STK17A: variants seen among roughly 807,000 people sequenced by gnomAD.
STK17A encodes the protein serine/threonine-protein kinase 17A.
STK17A carries 26 observed loss-of-function variants against 43.7 expected under a neutral mutation model. The ratio of observed to expected loss-of-function variants is 0.60; its 90% CI spans 0.44 to 0.83. The LOEUF is 0.83. STK17A is among the 40% of genes least tolerant of loss of function. The probability of loss-of-function intolerance (pLI) is 0.00; values close to 1 mark genes in which losing one functional copy is unlikely to be tolerated. For missense variants in STK17A, 476 were observed against 511.6 expected, an observed-to-expected ratio of 0.93 and a Z score of 0.67; for synonymous variants, 191 against 182.5, an observed-to-expected ratio of 1.05 and a Z score of -0.38.
chr7:43,611,953 A>G (rs945589801), intron 3 of STK17A, among the ~76,000 whole-genome samples: 3 of 152,218 alleles, frequency 2.0e-5, no homozygotes, highest in African/African-American at 7.2e-5. Flanking sequence ...ACCATGTGTC[A>G]TGGATCTTTG....
intron 1 of STK17A, among the ~76,000 whole-genome samples, chr7:43,585,671 T>A (rs62461071): frequency 0.084 from 12,788 of 151,568 alleles, 1,060 homozygotes; most frequent in East Asian, 0.21. Context: ...CAGTGTGAGA[T>A]TGAATCTTGG....
At chr7:43,603,779 T>C (rs747876259) in intron 2 of STK17A, among the ~76,000 whole-genome samples, 1 of 152,232 alleles carries the variant, frequency 6.6e-6, no homozygotes, top group Non-Finnish European at 1.5e-5. Flanking sequence ...ACACCTTCAC[T>C]TTCTGATGGT....
In STK17A at chr7:43,623,718, A is replaced by T. The variant is rs1395796605; in HGVS notation, c.750A>T (p.Gly250=). The T allele has an allele frequency of 6.2e-7, 1 of 1,606,218 alleles. No individual in the cohort carries two copies. Among genetic ancestry groups the T allele is most frequent in the Non-Finnish European group, 8.5e-7 (1 of 1,177,244 alleles). The change falls in exon 6 of 7, where the codon GGA becomes GGT. Residue 250 remains glycine, a synonymous_variant. Transcript: ENST00000319357. ...ISMATDMWSI[G]VLTYVMLTGI... ...TTTCTTTCTAATTTAGGAGCATTGG[A>T]GTGTTAACATATGTCATGCTTACAG...
At chr7:43,612,709 T>G (rs1048688257) in intron 3 of STK17A, among the ~76,000 whole-genome samples, 2 of 152,122 alleles carry the variant, frequency 1.3e-5, no homozygotes, top group Non-Finnish European at 2.9e-5. Context: ...GGAAATACAC[T>G]GCTTAGCTTT....
At chr7:43,618,016 C>G (rs912888380) in intron 3 of STK17A, among the ~76,000 whole-genome samples, 5 of 152,112 alleles carry the variant, frequency 3.3e-5, no homozygotes, top group Admixed American at 2.6e-4. Flanking sequence ...AAGAATATCA[C>G]TGGATTTTGT....
Position 43,583,318 on chromosome 7 carries a change from G to A in STK17A, c.75G>A (p.Arg25=). 2.7e-6 allele frequency: 4 copies of A among 1,486,136 alleles called. No homozygotes were observed. Among genetic ancestry groups the A allele is most frequent in the Non-Finnish European group, 3.6e-6 (4 of 1,118,552 alleles). 92.1% of individuals were successfully genotyped at this position (1,486,136 alleles called of 1,614,324 possible). A position where few individuals can be genotyped will look rare whatever the true frequency, so the allele number is the denominator to read the frequency against. The part of the protein sequence containing the change: ...GATSGSGRAG[R]GLSGPCRPPP... The stretch of plus-strand genomic sequence containing the variant: ...CCTCAGGCTCGGGCCGGGCAGGCCG[G>A]GGTCTGAGCGGGCCGTGCCGGCCGC... Residue 25 remains arginine, a synonymous_variant, in exon 1 of 7, where the codon CGG becomes CGA. Transcript: ENST00000319357.
At chr7:43,590,317 A>G (rs2082472041) in intron 1 of STK17A, among the ~76,000 whole-genome samples, 1 of 150,954 alleles carries the variant, frequency 6.6e-6, no homozygotes, top group Non-Finnish European at 1.5e-5. Context: ...TGAAGCCCAA[A>G]CTCCTTAGCA....
At chr7:43,621,186 A>G (rs994345602) in intron 4 of STK17A, among the ~76,000 whole-genome samples, 39 of 152,358 alleles carry the variant, frequency 2.6e-4, no homozygotes, top group African/African-American at 9.4e-4. Context: ...TTAGATAATA[A>G]AAGATGCCAC....
chr7:43,588,379 C>T (rs2082456883), intron 1 of STK17A, among the ~76,000 whole-genome samples: 1 of 151,564 alleles, frequency 6.6e-6, no homozygotes, highest in South Asian at 2.1e-4. Flanking sequence ...GTATTACACA[C>T]TTGTTAGCCA....
rs753490613 is a variant in STK17A at position 43,583,222 on chromosome 7, G to A, written c.-22G>A. The A allele has an allele frequency of 1.3e-6, 2 of 1,555,286 alleles. No individual in the cohort carries two copies. The highest frequency in any genetic ancestry group is 3.7e-5 in the Admixed American group (2 of 53,590). ...CTGCTCGGAGTGAACAGGCGGCCAG[G>A]AAAGAAGCGGGCCTGAACACCATGA... On this transcript the variant is annotated 5_prime_UTR_variant, in exon 1 of 7. Coordinates refer to ENST00000319357, the MANE Select transcript of STK17A (RefSeq NM_004760.3).
intron 4 of STK17A, among the ~76,000 whole-genome samples, chr7:43,619,975 G>A (rs2083711182): frequency 1.3e-5 from 2 of 152,218 alleles, no homozygotes; most frequent in Non-Finnish European, 1.5e-5. Context: ...AAAAGGAATA[G>A]GAGAGGATTT....
rs533019680 is a variant in STK17A, at chr7:43,607,136, T to C, written c.420-1120T>C. Among the ~76,000 whole-genome samples, 12 of 151,858 alleles carry C rather than the reference T, an allele frequency of 7.9e-5. No homozygotes were observed. The South Asian group carries it at 2.3e-3, about 29-fold the overall frequency. ...CAGGGCTTCTCCATGTTGGTCACGC[T>C]GGTCTGGAATTCCTGATCTCAGGTG... On this transcript the variant is annotated intron_variant, in intron 2 of 6. Coordinates refer to ENST00000319357, the MANE Select transcript of STK17A (RefSeq NM_004760.3).
At chr7:43,607,054 G>T (rs2082603637) in intron 2 of STK17A, among the ~76,000 whole-genome samples, 2 of 149,386 alleles carry the variant, frequency 1.3e-5, no homozygotes, top group Admixed American at 1.4e-4. Context: ...CTCCTGAGTA[G>T]CTGGGATTAC....
intron 1 of STK17A, among the ~76,000 whole-genome samples, chr7:43,584,490 G>T (rs1054571997): frequency 4.2e-4 from 64 of 152,136 alleles, no homozygotes; most frequent in African/African-American, 1.4e-3. Flanking sequence ...GTAAATGTTC[G>T]CATTATTGCC....
At chr7:43,587,805 TAAAAG>T (rs2082453669) in intron 1 of STK17A, among the ~76,000 whole-genome samples, 1 of 151,598 alleles carries the variant, frequency 6.6e-6, no homozygotes, top group Non-Finnish European at 1.5e-5. Flanking sequence ...TTTGGATAGA[TAAAAG>T]AAAATTGGCC....
intron 1 of STK17A, among the ~76,000 whole-genome samples, chr7:43,587,903 A>C (rs1378418097): frequency 6.6e-6 from 1 of 151,670 alleles, no homozygotes; most frequent in Non-Finnish European, 1.5e-5. Context: ...CAGCTGTTTA[A>C]TTTTGAAAAG....
intron 3 of STK17A, among the ~76,000 whole-genome samples, chr7:43,616,008 G>A (rs2083306942): frequency 6.6e-6 from 1 of 152,166 alleles, no homozygotes; most frequent in African/African-American, 2.4e-5. Flanking sequence ...AGCGACCTGA[G>A]GTGTACTTAT....
intron 4 of STK17A, among the ~76,000 whole-genome samples, chr7:43,620,322 T>G (rs28406682): frequency 1.4e-4 from 21 of 152,194 alleles, no homozygotes; most frequent in African/African-American, 4.8e-4. Flanking sequence ...TTGATGGTCT[T>G]TTTAAGGTAT....
In STK17A at chr7:43,623,459, C is replaced by T. The variant is rs968528597; in HGVS notation, c.692-113C>T. On this transcript the variant is annotated intron_variant, in intron 4 of 6. Coordinates refer to ENST00000319357, the MANE Select transcript of STK17A (RefSeq NM_004760.3). Reference sequence around the variant, plus strand: ...AATTTATGGTAACCTTTCATTTTAGCCCAAACGTTGGATAGTGCCTTATAG... The same window carrying T: ...AATTTATGGTAACCTTTCATTTTAGTCCAAACGTTGGATAGTGCCTTATAG... The T allele has an allele frequency of 6.2e-6, 5 of 805,958 alleles. No individual in the cohort carries two copies. The Admixed American group carries it at 7.6e-5, about 12-fold the overall frequency. 49.9% of individuals were successfully genotyped at this position (805,958 alleles called of 1,614,324 possible). A position where few individuals can be genotyped will look rare whatever the true frequency, so the allele number is the denominator to read the frequency against.
Sources: allele counts gnomAD v4.1 joint callset (sites outside exome capture counted in the v4.1 genomes callset), GRCh38; gene constraint gnomAD v4.1.1; transcripts MANE v1.5; gene names NCBI Gene and HGNC (gene_info 2026-07-23, HGNC 2026-07-21).